The following PYY variants were observed in gnomAD, a reference collection of about 807,000 sequenced individuals.
PYY encodes peptide tyrosine tyrosine.
In PYY, 12 loss-of-function variants were observed where a neutral mutation model predicts 10.3. The ratio of observed to expected loss-of-function variants is 1.17; its 90% CI spans 0.75 to 1.89. The LOEUF (loss-of-function observed/expected upper bound fraction) is 1.89. Among genes scored for constraint, PYY ranks in the 40% most tolerant of loss-of-function variants. The probability of loss-of-function intolerance (pLI) is 0.00; values close to 1 mark genes in which losing one functional copy is unlikely to be tolerated. For synonymous variants in PYY, 66 were observed against 62.0 expected (o/e 1.06, Z -0.30); for missense variants, 141 against 134.0 (o/e 1.05, Z -0.26).
intron 1 of PYY, among the ~76,000 whole-genome samples, chr17:43,979,298 A>C (rs1260530098): frequency 6.6e-6 from 1 of 152,186 alleles, no homozygotes; most frequent in Non-Finnish European, 1.5e-5. Flanking sequence ...TAAGCCCTCC[A>C]AGTGATTCTG....
intron 2 of PYY, among the ~76,000 whole-genome samples, chr17:43,965,608 G>A (rs140754464): frequency 0.011 from 1,658 of 151,736 alleles, 24 homozygotes; most frequent in African/African-American, 0.037. Flanking sequence ...TGGCCAACAT[G>A]GTGAAACCCC....
chr17:43,963,998 G>A (rs751569681), intron 2 of PYY, among the ~76,000 whole-genome samples: 6 of 152,098 alleles, frequency 3.9e-5, no homozygotes, highest in Non-Finnish European at 8.8e-5. Flanking sequence ...GACAGAGAGA[G>A]ACCCTGTCTC....
At chr17:43,964,948 A>C (rs1348643877) in intron 2 of PYY, among the ~76,000 whole-genome samples, 1 of 152,230 alleles carries the variant, frequency 6.6e-6, no homozygotes, top group Non-Finnish European at 1.5e-5. Flanking sequence ...TGTGTCCTTG[A>C]GAACAAGAAT....
chr17:43,995,107 C>T (rs567811023), intron 1 of PYY, among the ~76,000 whole-genome samples: 1 of 152,304 alleles, frequency 6.6e-6, no homozygotes, highest in South Asian at 2.1e-4. Flanking sequence ...GTCATTACAA[C>T]CTGGGGCGCA....
intron 1 of PYY, among the ~76,000 whole-genome samples, chr17:43,968,383 GAAC>G (rs1359222745): frequency 6.6e-6 from 1 of 151,928 alleles, no homozygotes; most frequent in Non-Finnish European, 1.5e-5. Context: ...CCAGAAAATA[GAAC>G]AAGAGAAAAT....
intron 1 of PYY, among the ~76,000 whole-genome samples, chr17:43,980,921 A>G (rs777302628): frequency 6.1e-4 from 93 of 152,148 alleles, no homozygotes; most frequent in Middle Eastern, 6.8e-3. Flanking sequence ...TATTTGTTGT[A>G]GTATTTACAG....
intron 1 of PYY, among the ~76,000 whole-genome samples, chr17:43,989,192 G>A (rs1381655488): frequency 3.3e-5 from 5 of 151,988 alleles, no homozygotes; most frequent in African/African-American, 9.7e-5. Context: ...GGCTAACACG[G>A]TGAAACCCCG....
At chr17:43,989,112 C>T (rs1262680451) in intron 1 of PYY, among the ~76,000 whole-genome samples, 15 of 151,858 alleles carry the variant, frequency 9.9e-5, no homozygotes, top group Middle Eastern at 3.4e-3. Flanking sequence ...CGGTGGCTCA[C>T]GCCTGTAATC....
At chr17:43,960,632 G>A (rs80224341) in intron 2 of PYY, among the ~76,000 whole-genome samples, 7,194 of 147,900 alleles carry the variant, frequency 0.049, 180 homozygotes, top group East Asian at 0.074. Flanking sequence ...GTGGATCACC[G>A]AGGTCAGGAG....
chr17:43,995,114 C>T (rs1218901176), intron 1 of PYY, among the ~76,000 whole-genome samples: 2 of 152,156 alleles, frequency 1.3e-5, no homozygotes, highest in Non-Finnish European at 2.9e-5. Flanking sequence ...CAACCTGGGG[C>T]GCAAAGTGGA....
intron 1 of PYY, among the ~76,000 whole-genome samples, chr17:43,990,438 C>CAAAAAAAAAAAAA (rs59522069): frequency 1.1e-5 from 1 of 92,810 alleles, no homozygotes; most frequent in Non-Finnish European, 2.3e-5. Flanking sequence ...GACTCCATCT[C>CAAAAAAAAAAAAA]AAAAAAAAAA....
upstream of PYY, among the ~76,000 whole-genome samples, chr17:43,954,992 G>A (rs912288400): frequency 2.6e-5 from 4 of 152,184 alleles, no homozygotes; most frequent in Non-Finnish European, 5.9e-5. Flanking sequence ...AATTCAAACA[G>A]GAAAAGCAGG....
intron 1 of PYY, among the ~76,000 whole-genome samples, chr17:43,989,696 C>T (rs1422492727): frequency 1.3e-5 from 2 of 150,316 alleles, no homozygotes; most frequent in Non-Finnish European, 3.0e-5. Context: ...AATCCCAGCA[C>T]TTTGGGAGGC....
intron 2 of PYY, among the ~76,000 whole-genome samples, chr17:43,960,991 G>T (rs1252273633): frequency 1.3e-5 from 2 of 152,032 alleles, no homozygotes; most frequent in South Asian, 4.2e-4. Flanking sequence ...GGAGGCTGAG[G>T]CAGGAGGACA....
chr17:43,999,768 C>CA (rs199527024), intron 1 of PYY, among the ~76,000 whole-genome samples: 44,248 of 128,964 alleles, frequency 0.34, 7,151 homozygotes, highest in African/African-American at 0.42. Context: ...AACTCCGTCT[C>CA]AAAAAAAAAA....
Position 43,963,570 on chromosome 17 carries a change from A to AAAGAAAAAG in PYY, c.-218+2717_-218+2718insCTTTTTCTT, listed in dbSNP as rs2048728191. Among the ~76,000 whole-genome samples the AAAGAAAAAG allele has an allele frequency of 2.5e-4, 26 of 104,676 alleles. No homozygotes were observed. In the South Asian group the frequency reaches 8.7e-3, roughly 35 times the overall value. 68.7% of individuals were successfully genotyped at this position (104,676 alleles called of 152,430 possible). A position where few individuals can be genotyped will look rare whatever the true frequency, so the allele number is the denominator to read the frequency against. On this transcript the variant is annotated intron_variant, in intron 2 of 6. Transcript: ENST00000360085. ...AAGGGAAGGAAGGAAGGAAGGAAGGAAAAGAAAGAAAGAAAGAAAGAAAGA... is the reference window on the plus strand; with the variant it reads ...AAGGGAAGGAAGGAAGGAAGGAAGGAAAGAAAAAGAAAGAAAGAAAGAAAGAAAGAAAGA...
At chr17:43,979,275 G>A (rs538593145) in intron 1 of PYY, among the ~76,000 whole-genome samples, 1 of 152,346 alleles carries the variant, frequency 6.6e-6, no homozygotes, top group South Asian at 2.1e-4. Context: ...GGCCCCAGCA[G>A]TTGGAGTCTT....
At chr17:44,000,723 A>ATTT (rs34630347) in intron 1 of PYY, among the ~76,000 whole-genome samples, 2 of 143,454 alleles carry the variant, frequency 1.4e-5, no homozygotes, top group Non-Finnish European at 3.1e-5. Flanking sequence ...TAATTTTTGT[A>ATTT]TTTTTTTTTT....
chr17:43,967,774 A>C (rs1337583555), intron 1 of PYY, among the ~76,000 whole-genome samples: 1 of 152,102 alleles, frequency 6.6e-6, no homozygotes, highest in African/African-American at 2.4e-5. Flanking sequence ...ACGGGGGAAG[A>C]AAGCCAGAAT....
Sources: gnomAD v4.1 joint callset for allele counts (sites outside exome capture counted in the v4.1 genomes callset) on GRCh38, gnomAD v4.1.1 for gene constraint, MANE v1.5 for transcripts, NCBI Gene and HGNC (gene_info 2026-07-23, HGNC 2026-07-21) for gene names.